The following ADK variants were observed in gnomAD, a reference collection of about 807,000 sequenced individuals.
ADK encodes the protein adenosine kinase.
A neutral mutation model predicts 44.7 loss-of-function variants in ADK; 24 were observed. The ratio of observed to expected loss-of-function variants is 0.54; its 90% CI spans 0.39 to 0.76. The LOEUF is 0.76. ADK is among the 30% of genes least tolerant of loss of function. The pLI, the probability that ADK is intolerant of heterozygous loss-of-function variation, is 0.00. For synonymous variants in ADK, 128 were observed against 142.6 expected (o/e 0.90, Z 0.73); for missense variants, 321 against 425.1 (o/e 0.76, Z 2.15).
chr10:74,215,979 C>G (rs1189962230), intron 2 of ADK, among the ~76,000 whole-genome samples: 1 of 152,100 alleles, frequency 6.6e-6, no homozygotes, highest in Non-Finnish European at 1.5e-5. Flanking sequence ...TTAGTGGACT[C>G]TAAATACCAC....
intron 1 of ADK, among the ~76,000 whole-genome samples, chr10:74,156,192 A>C (rs1360441450): frequency 6.6e-6 from 1 of 152,220 alleles, no homozygotes; most frequent in Non-Finnish European, 1.5e-5. Flanking sequence ...GGGCCTTAGG[A>C]AAACAAGGGG....
chr10:74,500,707 T>C (rs1456586482), intron 6 of ADK, among the ~76,000 whole-genome samples: 2 of 152,224 alleles, frequency 1.3e-5, no homozygotes, highest in Non-Finnish European at 2.9e-5. Context: ...AAGTGACATA[T>C]TCCGATGTCA....
chr10:74,223,655 C>T lies in ADK; in HGVS notation c.141-883C>T, dbSNP rs113664764. ...CTTCAGAAAGTCTGTTTACCTTCAG[C>T]AGTACAAATATATGGTACTGTGAAA... On this transcript the variant is annotated intron_variant, in intron 2 of 10. Coordinates refer to ENST00000539909, the MANE Select transcript of ADK (RefSeq NM_006721.4). Among the ~76,000 whole-genome samples, 11 of 152,146 alleles carry T rather than the reference C, an allele frequency of 7.2e-5. 1 individual carries two copies. The highest frequency in any genetic ancestry group is 2.4e-4 in the African/African-American group (10 of 41,486).
intron 6 of ADK, among the ~76,000 whole-genome samples, chr10:74,458,148 G>GC (rs1355523807): frequency 4.1e-5 from 5 of 121,934 alleles, no homozygotes; most frequent in East Asian, 2.4e-4. Flanking sequence ...TTTTTTTTTG[G>GC]GGGGAGAAGG....
chr10:74,269,409 C>G (rs919980004), intron 3 of ADK, among the ~76,000 whole-genome samples: 1 of 152,112 alleles, frequency 6.6e-6, no homozygotes, highest in Non-Finnish European at 1.5e-5. Context: ...ATACTGGTGT[C>G]TTTTATTCAG....
At chr10:74,223,170 T>C (rs150050817) in intron 2 of ADK, among the ~76,000 whole-genome samples, 2 of 152,192 alleles carry the variant, frequency 1.3e-5, no homozygotes, top group African/African-American at 4.8e-5. Flanking sequence ...GAGAACCTTC[T>C]TGCTGATAGT....
chr10:74,463,968 C>A (rs1421252032), intron 6 of ADK, among the ~76,000 whole-genome samples: 1 of 152,102 alleles, frequency 6.6e-6, no homozygotes, highest in Admixed American at 6.5e-5. Context: ...AACTTATTAA[C>A]AGGAAATTTA....
chr10:74,172,372 C>T (rs1842186979), intron 1 of ADK, among the ~76,000 whole-genome samples: 1 of 152,090 alleles, frequency 6.6e-6, no homozygotes, highest in South Asian at 2.1e-4. Flanking sequence ...GCTGGGATTA[C>T]AGGTGTGAGC....
chr10:74,480,836 T>C (rs1336473913), intron 6 of ADK, among the ~76,000 whole-genome samples: 1 of 152,194 alleles, frequency 6.6e-6, no homozygotes, highest in Non-Finnish European at 1.5e-5. Flanking sequence ...TTTAAATGTG[T>C]AGATTTAAAT....
chr10:74,669,036 T>TAA (rs780953296), intron 9 of ADK, among the ~76,000 whole-genome samples: 3 of 131,922 alleles, frequency 2.3e-5, no homozygotes, highest in Non-Finnish European at 1.6e-5. Flanking sequence ...GAGCAAGACC[T>TAA]AAAAAAAAAA....
intron 9 of ADK, among the ~76,000 whole-genome samples, chr10:74,637,272 A>G (rs909994157): frequency 1.3e-5 from 2 of 152,194 alleles, no homozygotes; most frequent in Non-Finnish European, 2.9e-5. Flanking sequence ...ACAACCAAGA[A>G]TTGATACTGA....
At chr10:74,618,759 T>C (rs111980468) in intron 9 of ADK, among the ~76,000 whole-genome samples, 41 of 152,238 alleles carry the variant, frequency 2.7e-4, no homozygotes, top group African/African-American at 9.9e-4. Flanking sequence ...TGCTCTTTTA[T>C]ATATAATATT....
At chr10:74,479,052 G>T (rs1217182032) in intron 6 of ADK, among the ~76,000 whole-genome samples, 1 of 152,096 alleles carries the variant, frequency 6.6e-6, no homozygotes, top group Non-Finnish European at 1.5e-5. Flanking sequence ...AGGCTGGAGT[G>T]CAGTGGCATG....
chr10:74,616,263 T>C (rs774481679), intron 9 of ADK, among the ~76,000 whole-genome samples: 2 of 152,190 alleles, frequency 1.3e-5, no homozygotes, highest in African/African-American at 2.4e-5. Flanking sequence ...GATTAATGCT[T>C]CTTATATTCC....
In ADK at chr10:74,600,396, G is replaced by C. The variant is rs1443614208; in HGVS notation, c.780G>C (p.Glu260Asp). 6.2e-7 allele frequency: 1 copy of C among 1,609,814 alleles called. No homozygotes were observed. Among genetic ancestry groups the C allele is most frequent in the Non-Finnish European group, 8.5e-7 (1 of 1,177,616 alleles). The change falls in exon 9 of 11, where the codon GAG (glutamate) becomes GAC (aspartate). Residue 260 changes from glutamate (E) to aspartate (D), a missense_variant. Coordinates refer to ENST00000539909, the MANE Select transcript of ADK (RefSeq NM_006721.4). ...EQGFETKDIK[E>D]IAKKTQALPK... ...ATTAATAGACTAAAGACATTAAAGA[G>C]ATAGCCAAAAAGACACAAGCCCTGC...
intron 7 of ADK, among the ~76,000 whole-genome samples, chr10:74,560,200 T>C (rs1359093041): frequency 1.3e-5 from 2 of 152,254 alleles, no homozygotes; most frequent in Non-Finnish European, 2.9e-5. Context: ...ATTGCAGGCA[T>C]GAGCCACCAT....
chr10:74,234,943 A>G (rs912764452), intron 3 of ADK, among the ~76,000 whole-genome samples: 6 of 152,168 alleles, frequency 3.9e-5, no homozygotes, highest in Admixed American at 3.9e-4. Context: ...GTACACACAA[A>G]GTTTTAATAA....
chr10:74,291,384 T>C (rs1383842510), intron 3 of ADK, among the ~76,000 whole-genome samples: 1 of 152,052 alleles, frequency 6.6e-6, no homozygotes, highest in African/African-American at 2.4e-5. Context: ...ACCATTGCAC[T>C]CCAGCCTGGG....
chr10:74,603,894 C>T (rs1477584837), intron 9 of ADK, among the ~76,000 whole-genome samples: 1 of 152,200 alleles, frequency 6.6e-6, no homozygotes, highest in Non-Finnish European at 1.5e-5. Context: ...TGTTCCTCCA[C>T]ATCCTCACCA....
Sources: gnomAD v4.1 joint callset for allele counts (sites outside exome capture counted in the v4.1 genomes callset) on GRCh38, gnomAD v4.1.1 for gene constraint, MANE v1.5 for transcripts, NCBI Gene and HGNC (gene_info 2026-07-23, HGNC 2026-07-21) for gene names.